Variants in TSC22D1 observed in about 807,000 individuals in gnomAD.
TSC22D1 encodes TSC22 domain family protein 1.
A neutral mutation model predicts 74.2 loss-of-function variants in TSC22D1; 9 were observed. The observed-to-expected ratio is 0.12, with a 90% CI of 0.07 to 0.21. TSC22D1 has a LOEUF of 0.21. TSC22D1 is among the 10% of genes least tolerant of loss of function. The probability of loss-of-function intolerance (pLI) is 1.00; values close to 1 mark genes in which losing one functional copy is unlikely to be tolerated. For missense variants in TSC22D1, 1,427 were observed against 1,304.7 expected (o/e 1.09, Z -1.44); for synonymous variants, 586 against 492.5 (o/e 1.19, Z -2.51).
At chr13:44,465,177 A>G (rs1372984651) in intron 1 of TSC22D1, among the ~76,000 whole-genome samples, 1 of 152,200 alleles carries the variant, frequency 6.6e-6, no homozygotes, top group Non-Finnish European at 1.5e-5. Flanking sequence ...CTAGGACAGT[A>G]TGTAACACAG....
chr13:44,490,900 C>T (rs1470932359), intron 1 of TSC22D1, among the ~76,000 whole-genome samples: 2 of 146,878 alleles, frequency 1.4e-5, no homozygotes, highest in East Asian at 4.1e-4. Context: ...GAAACTCCGT[C>T]TCATTAAAAA....
At chr13:44,486,714 AT>A (rs1292550693) in intron 1 of TSC22D1, among the ~76,000 whole-genome samples, 7 of 152,228 alleles carry the variant, frequency 4.6e-5, no homozygotes, top group African/African-American at 1.7e-4. Flanking sequence ...GACCAAATAC[AT>A]TTAAAAGAAT....
At chr13:44,576,910 C>T (rs1173222812), upstream of TSC22D1, 1 of 153,094 alleles carries the variant, frequency 6.5e-6, no homozygotes, top group East Asian at 1.9e-4. Flanking sequence ...CATTTTCCTC[C>T]CTCAGGGCAG....
chr13:44,511,558 T>C (rs2138011305), intron 1 of TSC22D1, among the ~76,000 whole-genome samples: 1 of 151,986 alleles, frequency 6.6e-6, no homozygotes, highest in East Asian at 1.9e-4. Flanking sequence ...TAGTAATTGT[T>C]CAATATGACA....
chr13:44,575,116 G>T lies in TSC22D1; in HGVS notation c.959C>A (p.Ala320Asp), dbSNP rs1353785485. 1 of 1,614,136 alleles carries T rather than the reference G, an allele frequency of 6.2e-7. No homozygotes were observed. Among genetic ancestry groups the T allele is most frequent in the East Asian group, 2.2e-5 (1 of 44,886 alleles). The change falls in exon 1 of 3, where the codon GCT (alanine) becomes GAT (aspartate). Residue 320 changes from alanine (A) to aspartate (D), a missense_variant. By Grantham distance (126) the Ala-to-Asp change is moderately radical. Coordinates refer to ENST00000458659, the MANE Select transcript of TSC22D1 (RefSeq NM_183422.4). ...TSTVNNVNIT[A>D]VGSFNPNVTS... ...CACATTAGGATTAAAACTACCCACA[G>T]CAGTAATGTTAACATTATTTACTGT...
intron 1 of TSC22D1, among the ~76,000 whole-genome samples, chr13:44,440,419 A>T (rs902674051): frequency 6.6e-6 from 1 of 150,632 alleles, no homozygotes; most frequent in African/African-American, 2.4e-5. Flanking sequence ...TCTCCACTTT[A>T]AAAAAAAACA....
chr13:44,490,837 C>T (rs556125213), intron 1 of TSC22D1, among the ~76,000 whole-genome samples: 1 of 151,348 alleles, frequency 6.6e-6, no homozygotes, highest in African/African-American at 2.4e-5. Flanking sequence ...GTGGAGGTTG[C>T]GGTGAGCCAA....
chr13:44,543,174 CACT>C (rs1881584335), intron 1 of TSC22D1, among the ~76,000 whole-genome samples: 1 of 151,550 alleles, frequency 6.6e-6, no homozygotes, highest in South Asian at 2.1e-4. Context: ...ATATAAATAC[CACT>C]GAGAAAATTT....
chr13:44,565,310 G>A (rs540882842), intron 1 of TSC22D1, among the ~76,000 whole-genome samples: 2 of 152,262 alleles, frequency 1.3e-5, no homozygotes, highest in East Asian at 3.9e-4. Context: ...ATGGCCAGAA[G>A]AGTGGGAAGA....
At chr13:44,514,373 A>T (rs1363813536) in intron 1 of TSC22D1, among the ~76,000 whole-genome samples, 1 of 150,658 alleles carries the variant, frequency 6.6e-6, no homozygotes, top group African/African-American at 2.4e-5. Flanking sequence ...TTGACTACAT[A>T]AAAAAAACCT....
At chr13:44,499,329 C>T (rs558752221) in intron 1 of TSC22D1, among the ~76,000 whole-genome samples, 22 of 152,300 alleles carry the variant, frequency 1.4e-4, no homozygotes, top group African/African-American at 4.8e-4. Flanking sequence ...TCTGAATGTA[C>T]CCAGGTGAGC....
At chr13:44,499,862 G>T (rs531468073) in intron 1 of TSC22D1, among the ~76,000 whole-genome samples, 1 of 152,222 alleles carries the variant, frequency 6.6e-6, no homozygotes, top group African/African-American at 2.4e-5. Context: ...TGAGGCAGGC[G>T]GGTCACCTGA....
At chr13:44,551,220 A>G (rs9533904) in intron 1 of TSC22D1, among the ~76,000 whole-genome samples, 151,391 of 152,130 alleles carry the variant, frequency 1, 75,336 homozygotes, top group South Asian at 1. Context: ...GCAGTGATCC[A>G]AGATCTCACC....
chr13:44,459,507 A>G (rs1486324545), intron 1 of TSC22D1, among the ~76,000 whole-genome samples: 1 of 152,120 alleles, frequency 6.6e-6, no homozygotes, highest in Non-Finnish European at 1.5e-5. Flanking sequence ...CACATACCTC[A>G]TTCTTCCTGG....
At chr13:44,499,096 A>G (rs1340694837) in intron 1 of TSC22D1, among the ~76,000 whole-genome samples, 1 of 152,232 alleles carries the variant, frequency 6.6e-6, no homozygotes, top group African/African-American at 2.4e-5. Flanking sequence ...ATACAATTCA[A>G]TTTCAGTCTT....
At chr13:44,446,876 A>ATAG (rs367747216) in intron 1 of TSC22D1, among the ~76,000 whole-genome samples, 1 of 440 alleles carries the variant, frequency 2.3e-3, no homozygotes, top group African/African-American at 3.0e-3. Flanking sequence ...AAAAAGAAAC[A>ATAG]TATTTTTAAA....
In TSC22D1 at chr13:44,434,594, C is replaced by T. The variant is rs1874362456; in HGVS notation, c.*32G>A. ...ATCTTCTCCGTCTGTTCAGTTCACA[C>T]GCAGCAGCCAGTTCTGCGGGGGCAT... On this transcript the variant is annotated 3_prime_UTR_variant, in exon 3 of 3. Transcript: ENST00000458659. The T allele has an allele frequency of 3.3e-6, 5 of 1,511,634 alleles. No homozygotes were observed. The South Asian group carries it at 5.4e-5, about 16-fold the overall frequency. 93.6% of individuals were successfully genotyped at this position (1,511,634 alleles called of 1,614,324 possible).
chr13:44,472,492 A>ATT (rs1218054917), intron 1 of TSC22D1, among the ~76,000 whole-genome samples: 6 of 152,126 alleles, frequency 3.9e-5, no homozygotes, highest in Admixed American at 2.6e-4. Flanking sequence ...CTCAACAAAC[A>ATT]TATGAGGACC....
intron 1 of TSC22D1, among the ~76,000 whole-genome samples, chr13:44,553,107 C>G (rs1882398464): frequency 1.3e-5 from 2 of 152,222 alleles, no homozygotes; most frequent in Non-Finnish European, 2.9e-5. Flanking sequence ...CTTGACTATA[C>G]ATGACCAACG....
Sources: gnomAD v4.1 joint callset for allele counts (sites outside exome capture counted in the v4.1 genomes callset) on GRCh38, gnomAD v4.1.1 for gene constraint, MANE v1.5 for transcripts, NCBI Gene and HGNC (gene_info 2026-07-23, HGNC 2026-07-21) for gene names.